Variants in FKBP11 observed in about 807,000 individuals in gnomAD.
FKBP11 encodes the protein FKBP prolyl isomerase 11, also known as peptidyl-prolyl cis-trans isomerase FKBP11.
A neutral mutation model predicts 24.7 loss-of-function variants in FKBP11; 21 were observed. The observed-to-expected ratio is 0.85, with a 90% CI of 0.60 to 1.23. The LOEUF is 1.23. Among genes scored for constraint, FKBP11 ranks in the 50% most tolerant of loss-of-function variants. The probability of loss-of-function intolerance (pLI) is 0.00; values close to 1 mark genes in which losing one functional copy is unlikely to be tolerated. For missense variants in FKBP11, 245 were observed against 248.7 expected, an observed-to-expected ratio of 0.99 and a Z score of 0.10; for synonymous variants, 106 against 100.6, an observed-to-expected ratio of 1.05 and a Z score of -0.32.
In FKBP11 at chr12:48,925,247, C is replaced by G. The variant is rs1361653451; in HGVS notation, c.129+53G>C. On this transcript the variant is annotated intron_variant, in intron 1 of 5. Transcript: ENST00000550765. ...CAGGTTCGCTGAGACCCCAGTATTA[C>G]CACCCAACAAGGCTCGGCCCACGGG... is the stretch of plus-strand genomic sequence containing the variant. 1.9e-6 allele frequency: 3 copies of G among 1,599,312 alleles called. No individual in the cohort carries two copies. In the African/African-American group the frequency reaches 4.0e-5, roughly 21 times the overall value.
upstream of FKBP11, among the ~76,000 whole-genome samples, chr12:48,926,737 C>T (rs548098834): frequency 2.0e-5 from 3 of 151,946 alleles, no homozygotes; most frequent in South Asian, 6.2e-4. Flanking sequence ...AAGTGATCCA[C>T]CCACCTCGGC....
At chr12:48,937,800 G>A in the FKBP11 span, 2 of 152,812 alleles carry the variant, frequency 1.3e-5, no homozygotes, top group South Asian at 2.1e-4. Flanking sequence ...AGGCCAGTAG[G>A]AGTACTAGGG....
At chr12:48,932,154 T>A in the FKBP11 span, among the ~76,000 whole-genome samples, 2 of 120,716 alleles carry the variant, frequency 1.7e-5, no homozygotes, top group East Asian at 5.1e-4. Context: ...CTATTTTTTT[T>A]AAATAAAAGT....
intron 5 of FKBP11, 89 bp downstream of exon 5, chr12:48,923,693 T>C: frequency 6.3e-7 from 1 of 1,589,632 alleles, no homozygotes; most frequent in Non-Finnish European, 8.6e-7. Context: ...GTCTGGATCT[T>C]CTCAAGCATC....
At chr12:48,923,242 G>A (rs1939876908) in intron 5 of FKBP11, 1 of 1,332,400 alleles carries the variant, frequency 7.5e-7, no homozygotes, top group East Asian at 3.1e-5. Flanking sequence ...CAAAAGATAT[G>A]CATCTTGGGA....
chr12:48,924,650 TG>T lies in FKBP11; in HGVS notation c.196-3del, dbSNP rs1939912985. Reference sequence around the variant, plus strand: ...AATACGTCCATCTACCAAGCTTCCCTGGGGGGAGAGAGCATCAAGAGCATAC... The same window carrying T: ...AATACGTCCATCTACCAAGCTTCCCTGGGGGAGAGAGCATCAAGAGCATAC... On this transcript the variant is annotated splice_polypyrimidine_tract_variant and splice_region_variant and intron_variant, in intron 2 of 5. Coordinates refer to ENST00000550765, the MANE Select transcript of FKBP11 (RefSeq NM_016594.3). 2 of 1,613,666 alleles carry T rather than the reference TG, an allele frequency of 1.2e-6. No homozygotes were observed. The highest frequency in any genetic ancestry group is 1.1e-5 in the South Asian group (1 of 91,050).
chr12:48,928,818 CTTTT>C (rs1196484675), upstream of FKBP11, among the ~76,000 whole-genome samples: 5 of 94,242 alleles, frequency 5.3e-5, no homozygotes, highest in African/African-American at 1.6e-4. Flanking sequence ...AAACTTCTAT[CTTTT>C]TTTTTTTTTT....
intron 3 of FKBP11, 81 bp from the exon 4 acceptor site, chr12:48,924,337 T>G: frequency 6.5e-7 from 1 of 1,549,718 alleles, no homozygotes; most frequent in South Asian, 1.1e-5. Context: ...GTCTTCCTCC[T>G]CCATCCTCAA....
the FKBP11 span, chr12:48,938,863 T>G: frequency 6.6e-6 from 10 of 1,523,002 alleles, no homozygotes; most frequent in Admixed American, 1.9e-5. Flanking sequence ...CACACTTGCA[T>G]GGAGAGGAAG....
chr12:48,922,332 G>T, intron 5 of FKBP11, 131 bp from the exon 6 acceptor site: 1 of 869,788 alleles, frequency 1.1e-6, no homozygotes, highest in Non-Finnish European at 1.7e-6. Context: ...TTAAATGTGG[G>T]CTTGAATTCC....
chr12:48,923,788 C>A lies in FKBP11; in HGVS notation c.382G>T (p.Val128Phe). 8.7e-6 allele frequency: 14 copies of A among 1,614,010 alleles called. No homozygotes were observed. The highest frequency in any genetic ancestry group is 1.2e-5 in the Non-Finnish European group (14 of 1,179,928). Residue 128 changes from valine (V) to phenylalanine (F), a missense_variant, in exon 5 of 6, where the codon GTC (valine) becomes TTC (phenylalanine). Val to Phe is a conservative substitution (Grantham distance 50, BLOSUM62 -1). Transcript: ENST00000550765. ...AGAGTCCTAGTCAGATTACCTGGGA[C>A]AGATGGTGGAAATCCCCGTTTTCCA... ...AYGKRGFPPS[V>F]PADAVVQYDV...
Position 48,925,077 on chromosome 12 carries a change from G to C in FKBP11, c.164C>G (p.Ala55Gly), listed in dbSNP as rs766322277. The C allele has an allele frequency of 1.0e-4, 158 of 1,529,150 alleles. No individual in the cohort carries two copies. The highest frequency in any genetic ancestry group is 1.4e-4 in the Non-Finnish European group (156 of 1,128,228). The allele number at this position is 1,529,150 out of a possible 1,614,324, so 94.7% of individuals were successfully genotyped here. The stretch of plus-strand genomic sequence containing the variant: ...GTGTATGTGAAGCGTGTCTCCAAAA[G>C]CAGCGGGCTCGGCACATGGTTCTGG... ...EPPEPCAEPA[A>G]FGDTLHIHYT... is the part of the protein sequence containing the mutation. The change falls in exon 2 of 6, where the codon GCT (alanine) becomes GGT (glycine). Residue 55 changes from alanine to glycine, a missense_variant. Coordinates refer to ENST00000550765, the MANE Select transcript of FKBP11 (RefSeq NM_016594.3).
chr12:48,923,288 G>A (rs564891796), intron 5 of FKBP11: 71 of 1,398,718 alleles, frequency 5.1e-5, no homozygotes, highest in East Asian at 2.6e-4. Flanking sequence ...AATAGACATC[G>A]GCAGTGACCA....
At chr12:48,929,865 C>G, upstream of FKBP11, among the ~76,000 whole-genome samples, 1 of 152,300 alleles carries the variant, frequency 6.6e-6, no homozygotes, top group South Asian at 2.1e-4. Flanking sequence ...CTTCTTTTAC[C>G]TGTCAAGCTC....
chr12:48,926,224 C>G (rs1416792342), upstream of FKBP11: 4 of 85,788 alleles, frequency 4.7e-5, no homozygotes, highest in African/African-American at 1.8e-4. Context: ...AAAGACTTCA[C>G]TTTTTTTTTT....
intron 2 of FKBP11, 41 bp downstream of exon 2, chr12:48,925,005 G>GCCCCCACCCACGCCCCCCCCCC: frequency 6.4e-7 from 1 of 1,573,326 alleles, no homozygotes; most frequent in Non-Finnish European, 8.6e-7. Flanking sequence ...GCAGGGCGCC[G>GCCCCCACCCACGCCCCCCCCCC]CCCCCTCCCA....
chr12:48,938,359 A>AG, the FKBP11 span: 1 of 454,188 alleles, frequency 2.2e-6, no homozygotes, highest in Non-Finnish European at 4.4e-6. Context: ...CCAACACGGA[A>AG]GGGGCAGATG....
chr12:48,922,110 T>C lies in FKBP11; in HGVS notation c.480A>G (p.Val160=). Residue 160 remains valine, a synonymous_variant, in exon 6 of 6, where the codon GTA becomes GTG. Coordinates refer to ENST00000550765, the MANE Select transcript of FKBP11 (RefSeq NM_016594.3). ...LKLVKGILPL[V]GMAMVPALLG... is the part of the protein sequence containing the mutation. ...GGAGGGCTGGCACCATGGCCATCCC[T>C]ACCAGAGGCAAAATGCCCTTCACCA... 1 of 1,614,192 alleles carries C rather than the reference T, an allele frequency of 6.2e-7. No individual in the cohort carries two copies. The highest frequency in any genetic ancestry group is 1.1e-5 in the South Asian group (1 of 91,084).
chr12:48,924,019 T>C (rs1229256238), intron 4 of FKBP11, 167 bp from the exon 5 acceptor site: 2 of 874,464 alleles, frequency 2.3e-6, no homozygotes, highest in Non-Finnish European at 3.8e-6. Flanking sequence ...CATCTCCCCA[T>C]GTGCCTCAAC....
Sources: gnomAD v4.1 joint callset for allele counts (sites outside exome capture counted in the v4.1 genomes callset) on GRCh38, gnomAD v4.1.1 for gene constraint, MANE v1.5 for transcripts, NCBI Gene and HGNC (gene_info 2026-07-23, HGNC 2026-07-21) for gene names.